The following SYNE1 variants were observed in gnomAD, a reference collection of about 807,000 sequenced individuals.
The protein encoded by SYNE1 is nesprin-1.
Under a neutral mutation model 1,111.0 loss-of-function variants are expected in SYNE1, and 616 were observed. That is an observed-to-expected ratio of 0.55 (90% CI 0.52 to 0.59). The LOEUF is 0.59. Among genes scored for constraint, SYNE1 ranks in the 20% least tolerant of loss-of-function variants. The pLI is 0.00. For synonymous variants in SYNE1, 3,855 were observed against 3,825.8 expected, an observed-to-expected ratio of 1.01 and a Z score of -0.28; for missense variants, 10,006 against 10,417.0, an observed-to-expected ratio of 0.96 and a Z score of 1.72.
intron 95 of SYNE1, among the ~76,000 whole-genome samples, chr6:152,286,086 G>T (rs1332961661): frequency 6.6e-6 from 1 of 152,054 alleles, no homozygotes; most frequent in Non-Finnish European, 1.5e-5. Flanking sequence ...CTCTCACAAT[G>T]TTAAACAGCA....
intron 76 of SYNE1, chr6:152,335,332 G>T (rs1050082373): frequency 6.6e-6 from 1 of 152,056 alleles, no homozygotes; most frequent in Non-Finnish European, 1.5e-5. Flanking sequence ...GCAAAATATT[G>T]GCATTGTTTA....
rs2096254065 is a variant in SYNE1, at chr6:152,331,862, G to A, written c.12823C>T (p.Leu4275=). 2 of 1,613,108 alleles carry A rather than the reference G, an allele frequency of 1.2e-6. No individual in the cohort carries two copies. Among genetic ancestry groups the A allele is most frequent in the Non-Finnish European group, 1.7e-6 (2 of 1,180,046 alleles). The stretch of plus-strand genomic sequence containing the variant: ...AATGCTAACTTTTTCAAAGCTTCCA[G>A]GTGGACAGCTGTACTCTCTGCATCA... ...RSDAESTAVH[L]EALKKLALAL... is the part of the protein sequence containing the mutation. Residue 4275 remains leucine, a synonymous_variant, in exon 78 of 146, where the codon CTG becomes TTG. Transcript: ENST00000367255.
At chr6:152,447,150 G>T (rs2098599959) in intron 29 of SYNE1, among the ~76,000 whole-genome samples, 1 of 152,110 alleles carries the variant, frequency 6.6e-6, no homozygotes, top group South Asian at 2.1e-4. Context: ...TAGCCTCCAT[G>T]ATTTATCTTA....
intron 124 of SYNE1, among the ~76,000 whole-genome samples, chr6:152,210,665 C>T (rs1166811775): frequency 1.3e-5 from 2 of 151,808 alleles, no homozygotes; most frequent in Admixed American, 1.3e-4. Context: ...CTACTGGTTC[C>T]TAAATATGAG....
chr6:152,205,901 G>A (rs1374725637), intron 126 of SYNE1, among the ~76,000 whole-genome samples: 3 of 152,146 alleles, frequency 2.0e-5, no homozygotes, highest in African/African-American at 7.2e-5. Context: ...TTTCATACTG[G>A]TCATTAATCA....
At chr6:152,143,919 CGGT>C in intron 137 of SYNE1, 154 bp from the exon 138 acceptor site, 1 of 1,098,964 alleles carries the variant, frequency 9.1e-7, no homozygotes, top group Non-Finnish European at 1.3e-6. Context: ...ACCATCGTGC[CGGT>C]GGGTTAGACA....
rs1461427417 is a variant in SYNE1 at position 152,206,208 on chromosome 6, C to T, written c.22979G>A (p.Arg7660Gln). ...IQEKWKSASM[R>Q]LEEQKKKLAF... is the part of the protein sequence containing the mutation. ...TAGTTTTTTCTTCTGTTCTTCCAGC[C>T]GCATGCTGGCTGATTTCCATTTCTC... The change falls in exon 126 of 146, where the codon CGG becomes CAG. Residue 7660 changes from arginine to glutamine, a missense_variant. Coordinates refer to ENST00000367255, the MANE Select transcript of SYNE1 (RefSeq NM_182961.4). The T allele has an allele frequency of 7.4e-6, 12 of 1,613,634 alleles. No individual in the cohort carries two copies. Among genetic ancestry groups the T allele is most frequent in the African/African-American group, 5.3e-5 (4 of 74,920 alleles).
intron 3 of SYNE1, among the ~76,000 whole-genome samples, chr6:152,574,643 C>T (rs1181202188): frequency 2.0e-5 from 3 of 152,168 alleles, no homozygotes; most frequent in Non-Finnish European, 4.4e-5. Context: ...TAAGTAAATA[C>T]CGTAGTTGTT....
chr6:152,317,234 C>CTTTTTTT (rs61399339), intron 86 of SYNE1, among the ~76,000 whole-genome samples: 3 of 135,896 alleles, frequency 2.2e-5, no homozygotes, highest in Non-Finnish European at 3.2e-5. Context: ...TTTCTTTTTT[C>CTTTTTTT]TTTTTTTTTT....
At chr6:152,282,421 TAC>T (rs1380862086) in intron 96 of SYNE1, among the ~76,000 whole-genome samples, 1 of 152,164 alleles carries the variant, frequency 6.6e-6, no homozygotes, top group Non-Finnish European at 1.5e-5. Context: ...AGCAGCCACA[TAC>T]AGTTTCAGGC....
intron 17 of SYNE1, among the ~76,000 whole-genome samples, 155 bp downstream of exon 17, chr6:152,465,827 G>C (rs1265016828): frequency 1.3e-5 from 2 of 150,872 alleles, no homozygotes; most frequent in Non-Finnish European, 2.9e-5. Context: ...ATTGTACAAA[G>C]CCAAGGGAAC....
intron 127 of SYNE1, among the ~76,000 whole-genome samples, chr6:152,193,827 C>T (rs566121277): frequency 3.3e-4 from 50 of 151,802 alleles, no homozygotes; most frequent in African/African-American, 7.0e-4. Context: ...CTGACTAACA[C>T]GGTGAAACCC....
intron 42 of SYNE1, chr6:152,410,381 G>A (rs2098004678): frequency 6.6e-6 from 1 of 151,370 alleles, no homozygotes; most frequent in Non-Finnish European, 1.5e-5. Context: ...TGGGAATATT[G>A]GAAGCTGTAG....
intron 3 of SYNE1, among the ~76,000 whole-genome samples, chr6:152,574,162 G>C (rs9479348): frequency 6.9e-6 from 1 of 145,430 alleles, no homozygotes; most frequent in Non-Finnish European, 1.5e-5. Flanking sequence ...ACATATATAT[G>C]TATATATATA....
chr6:152,565,876 G>A (rs139136996), intron 3 of SYNE1, among the ~76,000 whole-genome samples: 144 of 152,240 alleles, frequency 9.5e-4, no homozygotes, highest in South Asian at 3.5e-3. Flanking sequence ...AATAAACATC[G>A]TTTGTAGCCT....
At chr6:152,444,800 A>C (rs573197596) in intron 29 of SYNE1, among the ~76,000 whole-genome samples, 1 of 152,134 alleles carries the variant, frequency 6.6e-6, no homozygotes, top group Non-Finnish European at 1.5e-5. Flanking sequence ...TCTCGTAGCA[A>C]GTTTCAAGTA....
intron 78 of SYNE1, among the ~76,000 whole-genome samples, chr6:152,327,348 C>T (rs969876376): frequency 1.3e-5 from 2 of 152,034 alleles, no homozygotes; most frequent in African/African-American, 4.8e-5. Context: ...CATCAAACTT[C>T]CAAACTGGCA....
chr6:152,257,621 ATAAAT>A (rs1484063429), intron 101 of SYNE1, among the ~76,000 whole-genome samples: 1 of 152,236 alleles, frequency 6.6e-6, no homozygotes, highest in Non-Finnish European at 1.5e-5. Flanking sequence ...TAAGACATAA[ATAAAT>A]TAGAAACAGA....
intron 3 of SYNE1, among the ~76,000 whole-genome samples, chr6:152,561,082 G>A (rs1005793691): frequency 2.0e-5 from 3 of 151,928 alleles, no homozygotes; most frequent in Admixed American, 2.0e-4. Flanking sequence ...AATCAATTAA[G>A]CAAGCAAAAG....
Sources: gnomAD v4.1 joint callset for allele counts (sites outside exome capture counted in the v4.1 genomes callset) on GRCh38, gnomAD v4.1.1 for gene constraint, MANE v1.5 for transcripts, NCBI Gene and HGNC (gene_info 2026-07-23, HGNC 2026-07-21) for gene names.